Variants in NRG1 observed in about 807,000 individuals in gnomAD.
The protein encoded by NRG1 is pro-neuregulin-1, membrane-bound isoform.
Under a neutral mutation model 63.8 loss-of-function variants are expected in NRG1, and 18 were observed. That is an observed-to-expected ratio of 0.28 (90% CI 0.19 to 0.42). The LOEUF is 0.42. Ranked by LOEUF, NRG1 falls within the 10% of genes least tolerant of loss-of-function variation. The probability of loss-of-function intolerance (pLI) is 1.00; values close to 1 mark genes in which losing one functional copy is unlikely to be tolerated. For missense variants in NRG1, 762 were observed against 814.7 expected, an observed-to-expected ratio of 0.94 and a Z score of 0.79; for synonymous variants, 302 against 301.3, an observed-to-expected ratio of 1.00 and a Z score of -0.02.
intron 1 of NRG1, among the ~76,000 whole-genome samples, chr8:31,656,336 T>C (rs1805433853): frequency 6.6e-6 from 1 of 152,110 alleles, no homozygotes; most frequent in South Asian, 2.1e-4. Flanking sequence ...AAACCAGGAC[T>C]TTTTGAGTGG....
At chr8:32,565,659 C>G (rs1837312526) in intron 1 of NRG1, among the ~76,000 whole-genome samples, 1 of 152,168 alleles carries the variant, frequency 6.6e-6, no homozygotes, top group African/African-American at 2.4e-5. Flanking sequence ...GGTGCCTTTT[C>G]AAACCTTCTA....
chr8:32,735,659 T>C (rs1036811982), intron 6 of NRG1, among the ~76,000 whole-genome samples: 5 of 152,092 alleles, frequency 3.3e-5, no homozygotes, highest in African/African-American at 9.7e-5. Context: ...GGGATGTAGA[T>C]TGATCCCACA....
intron 1 of NRG1, among the ~76,000 whole-genome samples, chr8:32,075,068 G>A (rs1314565550): frequency 1.3e-5 from 2 of 152,246 alleles, no homozygotes; most frequent in South Asian, 4.1e-4. Flanking sequence ...TGGGGTTGTT[G>A]TGAGTGGGTC....
chr8:31,889,834 A>G (rs934038991), intron 1 of NRG1, among the ~76,000 whole-genome samples: 1 of 152,182 alleles, frequency 6.6e-6, no homozygotes, highest in Admixed American at 6.5e-5. Context: ...ACTGGTTTGC[A>G]TGTTCCATGC....
At chr8:32,740,048 A>G (rs1825953260) in intron 6 of NRG1, among the ~76,000 whole-genome samples, 1 of 152,142 alleles carries the variant, frequency 6.6e-6, no homozygotes, top group Admixed American at 6.5e-5. Context: ...TAAAAACCCT[A>G]TTTACTTCAG....
intron 1 of NRG1, among the ~76,000 whole-genome samples, chr8:31,968,703 A>G (rs327416): frequency 0.85 from 129,147 of 152,072 alleles, 55,729 homozygotes; most frequent in African/African-American, 0.96. Context: ...CTAAACCCAG[A>G]AAGAATCCAC....
At chr8:32,654,639 T>A (rs1015451837) in intron 5 of NRG1, among the ~76,000 whole-genome samples, 1 of 149,870 alleles carries the variant, frequency 6.7e-6, no homozygotes, top group African/African-American at 2.5e-5. Flanking sequence ...AAAAAAAAAA[T>A]AATTTTACCT....
chr8:32,524,009 G>A (rs771132848), intron 1 of NRG1, among the ~76,000 whole-genome samples: 2 of 151,714 alleles, frequency 1.3e-5, no homozygotes, highest in Admixed American at 6.6e-5. Context: ...TTCTTGGGCC[G>A]GCCATGGTGG....
intron 1 of NRG1, among the ~76,000 whole-genome samples, chr8:31,683,376 GA>G (rs1230256595): frequency 1.3e-5 from 2 of 152,068 alleles, no homozygotes; most frequent in Non-Finnish European, 2.9e-5. Context: ...GTGCTAAGAA[GA>G]AATGAGCCAT....
chr8:31,697,062 C>T (rs563789084), intron 1 of NRG1, among the ~76,000 whole-genome samples: 14 of 152,268 alleles, frequency 9.2e-5, no homozygotes, highest in Admixed American at 5.2e-4. Context: ...TACTAAATAA[C>T]AGGATCCAAA....
At position 31,763,101 on chromosome 8, in the gene NRG1, G is replaced by A. The variant is rs147194032; in HGVS notation, c.37+123670G>A. The stretch of plus-strand genomic sequence containing the variant: ...ATCATCTCAATAGATGCTGAAAAGC[G>A]TTTGAAAAAAAGGTAACTCCTGTTC... On this transcript the variant is annotated intron_variant, in intron 1 of 10. Transcript: ENST00000519301. 3.1e-3 allele frequency among the ~76,000 whole-genome samples: 469 copies of A among 152,044 alleles called. 1 individual carries two copies. Among genetic ancestry groups the A allele is most frequent in the South Asian group, 7.0e-3 (34 of 4,824 alleles).
chr8:32,048,446 C>CATATATATATAT (rs869311093), intron 1 of NRG1, among the ~76,000 whole-genome samples: 12 of 6,710 alleles, frequency 1.8e-3, no homozygotes, highest in Admixed American at 2.9e-3. Flanking sequence ...TATATACATA[C>CATATATATATAT]ATATATATAT....
intron 1 of NRG1, among the ~76,000 whole-genome samples, chr8:32,449,037 C>T (rs1158828125): frequency 1.3e-5 from 2 of 152,126 alleles, no homozygotes; most frequent in Non-Finnish European, 2.9e-5. Flanking sequence ...GCTCACGCCT[C>T]TAATCCCAAC....
At chr8:31,935,763 T>C (rs1405847599) in intron 1 of NRG1, among the ~76,000 whole-genome samples, 1 of 152,206 alleles carries the variant, frequency 6.6e-6, no homozygotes, top group East Asian at 1.9e-4. Flanking sequence ...GTCACAAGTA[T>C]CCCTGGTCTT....
At chr8:31,842,908 A>G (rs1162231944) in intron 1 of NRG1, among the ~76,000 whole-genome samples, 1 of 152,220 alleles carries the variant, frequency 6.6e-6, no homozygotes, top group African/African-American at 2.4e-5. Flanking sequence ...CTTAATTGAC[A>G]GTCCCACCAA....
At chr8:32,748,596 A>G in intron 7 of NRG1, 1 of 397,534 alleles carries the variant, frequency 2.5e-6, no homozygotes. Context: ...AGCTGCCAGG[A>G]TTGCTGGCTC....
At chr8:32,016,533 C>T (rs969465512) in intron 1 of NRG1, among the ~76,000 whole-genome samples, 1 of 151,996 alleles carries the variant, frequency 6.6e-6, no homozygotes, top group African/African-American at 2.4e-5. Flanking sequence ...CAAGAGATTG[C>T]CTGAATTATT....
chr8:32,655,083 C>T (rs1801165332), intron 5 of NRG1, among the ~76,000 whole-genome samples: 1 of 152,140 alleles, frequency 6.6e-6, no homozygotes, highest in South Asian at 2.1e-4. Flanking sequence ...TGGAAAACTC[C>T]AAGTCCTAGG....
At chr8:31,953,179 G>A (rs1432540577) in intron 1 of NRG1, among the ~76,000 whole-genome samples, 1 of 152,006 alleles carries the variant, frequency 6.6e-6, no homozygotes, top group Non-Finnish European at 1.5e-5. Flanking sequence ...AGGTAATTTA[G>A]CATAGATATG....
Sources: gnomAD v4.1 joint callset for allele counts (sites outside exome capture counted in the v4.1 genomes callset) on GRCh38, gnomAD v4.1.1 for gene constraint, MANE v1.5 for transcripts, NCBI Gene and HGNC (gene_info 2026-07-23, HGNC 2026-07-21) for gene names.